GJB6: variants seen among roughly 807,000 people sequenced by gnomAD.
GJB6 encodes gap junction protein beta 6.
GJB6 carries 5 observed loss-of-function variants against 5.4 expected under a neutral mutation model. The observed-to-expected ratio is 0.92, with a 90% CI of 0.48 to 1.93. The LOEUF (loss-of-function observed/expected upper bound fraction) is 1.93. Among genes scored for constraint, GJB6 ranks in the 30% most tolerant of loss-of-function variants. The pLI, the probability that GJB6 is intolerant of heterozygous loss-of-function variation, is 0.01. For missense variants in GJB6, 298 were observed against 326.9 expected, an observed-to-expected ratio of 0.91 and a Z score of 0.68; for synonymous variants, 136 against 129.6, an observed-to-expected ratio of 1.05 and a Z score of -0.34.
chr13:20,230,751 T>G lies in GJB6; in HGVS notation c.-239A>C, dbSNP rs916338178. On this transcript the variant is annotated 5_prime_UTR_variant, in exon 3 of 5. Transcript: ENST00000647029. Reference sequence around the variant, plus strand: ...CATGAAGAGGGCGTACAAGTTAGAATTTTTCTTTCGCCATACAGAAATTGT... The same window carrying G: ...CATGAAGAGGGCGTACAAGTTAGAAGTTTTCTTTCGCCATACAGAAATTGT... 1 of 152,260 alleles carries G rather than the reference T, an allele frequency of 6.6e-6. No homozygotes were observed. The highest frequency in any genetic ancestry group is 2.4e-5 in the African/African-American group (1 of 41,468). 9.4% of individuals were successfully genotyped at this position (152,260 alleles called of 1,614,324 possible). A position where few individuals can be genotyped will look rare whatever the true frequency, so the allele number is the denominator to read the frequency against.
In GJB6 at chr13:20,229,406, C is replaced by T. The variant is rs563838036; in HGVS notation, c.-16+174G>A. On this transcript the variant is annotated intron_variant, in intron 4 of 4. Transcript: ENST00000647029. Reference sequence around the variant, plus strand: ...GGTCTTGAACTCCTGACCTCAGCCTCGGCCTCCCAAAGTGTTGGGATTACA... The same window carrying T: ...GGTCTTGAACTCCTGACCTCAGCCTTGGCCTCCCAAAGTGTTGGGATTACA... 1.7e-3 allele frequency among the ~76,000 whole-genome samples: 249 copies of T among 147,108 alleles called. 1 individual carries two copies. The highest frequency in any genetic ancestry group is 6.1e-3 in the African/African-American group (244 of 39,922).
In GJB6 at chr13:20,227,654, T is replaced by C. The variant is rs112830594; in HGVS notation, c.-16+1926A>G. Among the ~76,000 whole-genome samples the C allele has an allele frequency of 9.3e-3, 1,414 of 152,230 alleles. 36 individuals carry two copies. Among genetic ancestry groups the C allele is most frequent in the African/African-American group, 0.031 (1,287 of 41,528 alleles). ...ACACCTGAGGGGCTCACCAACCAGC[T>C]CCGGGGATCTGCCGTGCGTATCATT... On this transcript the variant is annotated intron_variant, in intron 4 of 4. Coordinates refer to ENST00000647029, the MANE Select transcript of GJB6 (RefSeq NM_001110219.3).
At position 20,228,544 on chromosome 13, in the gene GJB6, C is replaced by T. The variant is rs755428997; in HGVS notation, c.-16+1036G>A. Among the ~76,000 whole-genome samples, 94 of 151,016 alleles carry T rather than the reference C, an allele frequency of 6.2e-4. 1 individual carries two copies. The highest frequency in any genetic ancestry group is 9.8e-4 in the East Asian group (5 of 5,126). On this transcript the variant is annotated intron_variant, in intron 4 of 4. Coordinates refer to ENST00000647029, the MANE Select transcript of GJB6 (RefSeq NM_001110219.3). ...TGTTGCCCAAGCTGGAGTACCGTGG[C>T]ACGATCTCGGCTCACTGCAAGCTCC... is the stretch of plus-strand genomic sequence containing the variant.
rs1869236497 is a variant in GJB6, at chr13:20,222,451, C to T, written c.*244G>A. On this transcript the variant is annotated 3_prime_UTR_variant, in exon 5 of 5. Transcript: ENST00000647029. ...TGTCAGAGAGTCCACTTAAAAGGAA[C>T]CTGTCAAAGTGACTGCAATGCTCCT... 3.9e-6 allele frequency: 2 copies of T among 510,056 alleles called. No homozygotes were observed. The highest frequency in any genetic ancestry group is 5.2e-4 in the Middle Eastern group (1 of 1,924). The allele number at this position is 510,056 out of a possible 1,614,324, so 31.6% of individuals were successfully genotyped here. A position where few individuals can be genotyped will look rare whatever the true frequency, so the allele number is the denominator to read the frequency against.
chr13:20,228,519 T>C (rs2137349671), intron 4 of GJB6, among the ~76,000 whole-genome samples: 1 of 151,892 alleles, frequency 6.6e-6, no homozygotes, highest in South Asian at 2.1e-4. Flanking sequence ...AGTCTAGCTC[T>C]GTTGCCCAAG....
chr13:20,228,443 G>A (rs993807446), intron 4 of GJB6, among the ~76,000 whole-genome samples: 3 of 151,694 alleles, frequency 2.0e-5, no homozygotes, highest in Non-Finnish European at 2.9e-5. Flanking sequence ...TGAAGAACTC[G>A]ATGCTGTTTT....
In GJB6 at chr13:20,222,393, A is replaced by G. The variant is rs1593362258; in HGVS notation, c.*302T>C. 2 of 329,232 alleles carry G rather than the reference A, an allele frequency of 6.1e-6. No homozygotes were observed. Among genetic ancestry groups the G allele is most frequent in the East Asian group, 1.2e-4 (2 of 17,314 alleles). 20.4% of individuals were successfully genotyped at this position (329,232 alleles called of 1,614,324 possible). ...CCTGGATAAATGTTCCTTATCAACA[A>G]CAGTTATATAAATTTTCAGAAAGTA... On this transcript the variant is annotated 3_prime_UTR_variant, in exon 5 of 5. Transcript: ENST00000647029.
chr13:20,226,815 T>C (rs1869610654), intron 4 of GJB6, among the ~76,000 whole-genome samples: 1 of 152,192 alleles, frequency 6.6e-6, no homozygotes, highest in African/African-American at 2.4e-5. Flanking sequence ...AGCAAGAGTT[T>C]GATTTATCAA....
At chr13:20,227,286 T>A (rs945367) in intron 4 of GJB6, among the ~76,000 whole-genome samples, 84,616 of 151,964 alleles carry the variant, frequency 0.56, 23,776 homozygotes, top group East Asian at 0.66. Context: ...TGCGCGCTTC[T>A]CGATACCGGT....
intron 4 of GJB6, among the ~76,000 whole-genome samples, chr13:20,227,989 T>G (rs1482215893): frequency 2.2e-5 from 3 of 135,792 alleles, no homozygotes; most frequent in Non-Finnish European, 4.8e-5. Flanking sequence ...ATGTTGTGGG[T>G]TGGGGGTGGC....
rs60451416 is a variant in GJB6, at chr13:20,229,315, A to AT, written c.-16+264dup. Reference sequence around the variant, plus strand: ...AGGCATATGCCACCATACCTGGTTAATTTTTTTTTTTTTTTTTTTTTTTTT... The same window carrying AT: ...AGGCATATGCCACCATACCTGGTTAATTTTTTTTTTTTTTTTTTTTTTTTTT... On this transcript the variant is annotated intron_variant, in intron 4 of 4. Transcript: ENST00000647029. 0.068 allele frequency among the ~76,000 whole-genome samples: 3,764 copies of AT among 55,322 alleles called. 348 individuals are homozygous for AT. The highest frequency in any genetic ancestry group is 0.27 in the East Asian group (353 of 1,298). 36.3% of individuals were successfully genotyped at this position (55,322 alleles called of 152,430 possible).
At position 20,222,447 on chromosome 13, in the gene GJB6, G is replaced by A; in HGVS notation, c.*248C>T. ...ACTTTGTCAGAGAGTCCACTTAAAAGGAACCTGTCAAAGTGACTGCAATGC... is the reference window on the plus strand; with the variant it reads ...ACTTTGTCAGAGAGTCCACTTAAAAAGAACCTGTCAAAGTGACTGCAATGC... On this transcript the variant is annotated 3_prime_UTR_variant, in exon 5 of 5. Transcript: ENST00000647029. 2.0e-6 allele frequency: 1 copy of A among 503,222 alleles called. No homozygotes were observed. Among genetic ancestry groups the A allele is most frequent in the Non-Finnish European group, 3.5e-6 (1 of 284,008 alleles). 31.2% of individuals were successfully genotyped at this position (503,222 alleles called of 1,614,324 possible). A position where few individuals can be genotyped will look rare whatever the true frequency, so the allele number is the denominator to read the frequency against.
intron 4 of GJB6, among the ~76,000 whole-genome samples, chr13:20,227,570 G>C (rs1429408648): frequency 2.0e-5 from 3 of 152,158 alleles, no homozygotes; most frequent in African/African-American, 2.4e-5. Context: ...CCCTGAGCTG[G>C]TGTTTCCCAA....
rs561330751 is a variant in GJB6 at position 20,231,517 on chromosome 13, C to T, written c.-419-12G>A. The T allele has an allele frequency of 6.6e-6, 1 of 152,160 alleles. No homozygotes were observed. The highest frequency in any genetic ancestry group is 1.5e-5 in the Non-Finnish European group (1 of 68,044). 9.4% of individuals were successfully genotyped at this position (152,160 alleles called of 1,614,324 possible). On this transcript the variant is annotated splice_polypyrimidine_tract_variant and intron_variant, in intron 1 of 4. Coordinates refer to ENST00000647029, the MANE Select transcript of GJB6 (RefSeq NM_001110219.3). ...CCTGCACGTTTTAACTAAGATGTGTCGCCAATTACTTTTAATTACTGTCGT... is the reference window on the plus strand; with the variant it reads ...CCTGCACGTTTTAACTAAGATGTGTTGCCAATTACTTTTAATTACTGTCGT...
At chr13:20,224,721 A>C (rs1247367861) in intron 4 of GJB6, among the ~76,000 whole-genome samples, 1 of 152,216 alleles carries the variant, frequency 6.6e-6, no homozygotes, top group African/African-American at 2.4e-5. Context: ...AAATAAAAGG[A>C]GGTATCATGG....
chr13:20,228,636 C>T (rs1410651692), intron 4 of GJB6, among the ~76,000 whole-genome samples: 51 of 151,190 alleles, frequency 3.4e-4, no homozygotes, highest in Admixed American at 3.0e-3. Context: ...AGGCGCCTGC[C>T]ACCAAGCCCG....
Position 20,222,743 on chromosome 13 carries a change from C to T in GJB6, c.738G>A (p.Glu246=). The change falls in exon 5 of 5, where the codon GAG becomes GAA. Residue 246 remains glutamate (E), a synonymous_variant. Transcript: ENST00000647029. ...LKESKQNEMN[E]LISDSGQNAI... ...CATTTTGACCACTATCTGAAATCAG[C>T]TCATTCATTTCATTCTGCTTACTCT... is the stretch of plus-strand genomic sequence containing the variant. The T allele has an allele frequency of 6.2e-7, 1 of 1,614,078 alleles. No individual in the cohort carries two copies. The highest frequency in any genetic ancestry group is 8.5e-7 in the Non-Finnish European group (1 of 1,179,942).
intron 4 of GJB6, among the ~76,000 whole-genome samples, chr13:20,224,782 C>G (rs1268223987): frequency 1.3e-5 from 2 of 152,196 alleles, no homozygotes. Flanking sequence ...GAGTAATTCA[C>G]TCAGGCATTT....
intron 4 of GJB6, among the ~76,000 whole-genome samples, chr13:20,229,314 AATT>A (rs1869898204): frequency 1.1e-5 from 1 of 87,334 alleles, no homozygotes; most frequent in African/African-American, 4.8e-5. Context: ...ATACCTGGTT[AATT>A]TTTTTTTTTT....
Sources: allele counts gnomAD v4.1 joint callset (sites outside exome capture counted in the v4.1 genomes callset), GRCh38; gene constraint gnomAD v4.1.1; transcripts MANE v1.5; gene names NCBI Gene and HGNC (gene_info 2026-07-23, HGNC 2026-07-21).